Variants in DNAH11 observed in about 807,000 individuals in gnomAD.
DNAH11 encodes dynein axonemal heavy chain 11.
A neutral mutation model predicts 526.0 loss-of-function variants in DNAH11; 442 were observed. The observed-to-expected ratio is 0.84, with a 90% CI of 0.78 to 0.91. The LOEUF (loss-of-function observed/expected upper bound fraction) is 0.91. Among genes scored for constraint, DNAH11 ranks in the 40% least tolerant of loss-of-function variants. DNAH11 has a pLI of 0.00. For missense variants in DNAH11, 6,989 were observed against 5,448.7 expected, an observed-to-expected ratio of 1.28 and a Z score of -8.90; for synonymous variants, 2,461 against 1,935.9, an observed-to-expected ratio of 1.27 and a Z score of -7.12.
chr7:21,870,553 A>T (rs1420672624), intron 73 of DNAH11, among the ~76,000 whole-genome samples: 1 of 152,210 alleles, frequency 6.6e-6, no homozygotes, highest in Non-Finnish European at 1.5e-5. Flanking sequence ...TGTCTCAGAA[A>T]GGAAAGAGCT....
chr7:21,606,836 A>G (rs1258234382), intron 20 of DNAH11, 103 bp downstream of exon 20: 2 of 1,026,848 alleles, frequency 1.9e-6, no homozygotes, highest in Middle Eastern at 2.0e-4. Context: ...TTTTGCTGTT[A>G]TAGGAATTGA....
chr7:21,690,995 A>G (rs1783593113), intron 35 of DNAH11, 114 bp downstream of exon 35: 4 of 745,886 alleles, frequency 5.4e-6, no homozygotes, highest in Middle Eastern at 4.6e-4. Context: ...AAAATCCTAT[A>G]TGATTTCCTT....
intron 25 of DNAH11, among the ~76,000 whole-genome samples, chr7:21,629,001 T>G (rs925579645): frequency 1.1e-4 from 16 of 152,120 alleles, no homozygotes; most frequent in Admixed American, 3.3e-4. Flanking sequence ...GTTAGGTTGT[T>G]GATTTGAAGG....
intron 45 of DNAH11, among the ~76,000 whole-genome samples, chr7:21,732,948 C>A (rs1785442624): frequency 6.6e-6 from 1 of 152,208 alleles, no homozygotes; most frequent in Admixed American, 6.5e-5. Flanking sequence ...GTAACCCAGT[C>A]TCAGGCCTGG....
At chr7:21,810,202 G>A (rs1439188371) in intron 63 of DNAH11, among the ~76,000 whole-genome samples, 1 of 152,168 alleles carries the variant, frequency 6.6e-6, no homozygotes, top group Non-Finnish European at 1.5e-5. Context: ...AGATTTGCAC[G>A]ATGTAAAATC....
At chr7:21,659,578 G>A (rs1293721020) in intron 30 of DNAH11, among the ~76,000 whole-genome samples, 1 of 151,862 alleles carries the variant, frequency 6.6e-6, no homozygotes, top group Non-Finnish European at 1.5e-5. Flanking sequence ...GTCTTTCTTT[G>A]GTCTTATAGA....
intron 63 of DNAH11, among the ~76,000 whole-genome samples, chr7:21,810,400 A>T (rs534863242): frequency 3.9e-5 from 6 of 152,356 alleles, no homozygotes; most frequent in East Asian, 1.9e-4. Context: ...GAGTATGGAG[A>T]CAAAGATGGA....
At chr7:21,700,596 A>G (rs985424683) in intron 36 of DNAH11, among the ~76,000 whole-genome samples, 3 of 152,150 alleles carry the variant, frequency 2.0e-5, no homozygotes, top group South Asian at 4.2e-4. Context: ...TGACCCAGCA[A>G]TCCCCTTTCT....
chr7:21,725,602 G>A (rs1785066196), intron 44 of DNAH11, among the ~76,000 whole-genome samples: 1 of 152,130 alleles, frequency 6.6e-6, no homozygotes, highest in Non-Finnish European at 1.5e-5. Flanking sequence ...ATAATACGTT[G>A]TCATTAGATT....
In DNAH11 at chr7:21,676,132, A is replaced by C. The variant is rs181003222; in HGVS notation, c.5329-5414A>C. 6.6e-4 allele frequency among the ~76,000 whole-genome samples: 100 copies of C among 152,340 alleles called. 1 individual carries two copies. In the East Asian group the frequency reaches 0.012, roughly 19 times the overall value. On this transcript the variant is annotated intron_variant, in intron 30 of 81. Coordinates refer to ENST00000409508, the MANE Select transcript of DNAH11 (RefSeq NM_001277115.2). ...ATGGAAGACTTTGTGCTCCAGGAAC[A>C]AAAGTTTGGATTTTACTCTAAGTTG...
chr7:21,654,048 C>T lies in DNAH11; in HGVS notation c.4945-1784C>T, dbSNP rs575766526. Among the ~76,000 whole-genome samples the T allele has an allele frequency of 5.9e-5, 9 of 152,264 alleles. No homozygotes were observed. In the East Asian group the frequency reaches 1.2e-3, roughly 20 times the overall value. On this transcript the variant is annotated intron_variant, in intron 28 of 81. Transcript: ENST00000409508. ...CTTGGAAATGTTTTGTATTGCTTCA[C>T]CCTATCTTCTGGTTATCAGCAGCTC...
intron 25 of DNAH11, among the ~76,000 whole-genome samples, chr7:21,627,183 G>C (rs1786380397): frequency 6.6e-6 from 1 of 152,158 alleles, no homozygotes; most frequent in Non-Finnish European, 1.5e-5. Context: ...TCCCTTATCA[G>C]ATGAGTAGTT....
rs1785970257 is a variant in DNAH11, at chr7:21,620,053, T to C, written c.4475T>C (p.Leu1492Pro). The change falls in exon 25 of 82, where the codon CTT becomes CCT. Residue 1492 changes from leucine to proline, a missense_variant. Coordinates refer to ENST00000409508, the MANE Select transcript of DNAH11 (RefSeq NM_001277115.2). Reference protein sequence around the residue: ...GIPLLKSDEQLFETLEHNQVQ... With the variant: ...GIPLLKSDEQPFETLEHNQVQ... ...CCATTACTAAAGTCTGATGAACAAC[T>C]TTTTGAAACTCTAGAGCACAACCAA... 2 of 1,600,680 alleles carry C rather than the reference T, an allele frequency of 1.2e-6. No homozygotes were observed. Among genetic ancestry groups the C allele is most frequent in the East Asian group, 4.5e-5 (2 of 44,448 alleles).
At chr7:21,767,912 G>A (rs1367801120) in intron 55 of DNAH11, among the ~76,000 whole-genome samples, 1 of 152,096 alleles carries the variant, frequency 6.6e-6, no homozygotes, top group Non-Finnish European at 1.5e-5. Flanking sequence ...AGTGTAAGGT[G>A]CTTACACAAG....
intron 63 of DNAH11, among the ~76,000 whole-genome samples, chr7:21,814,933 C>T (rs10950878): frequency 0.4 from 61,438 of 151,912 alleles, 13,267 homozygotes; most frequent in East Asian, 0.82. Flanking sequence ...ACAATACTAT[C>T]GAAACATCCT....
At chr7:21,825,599 C>T (rs992041005) in intron 65 of DNAH11, among the ~76,000 whole-genome samples, 2 of 150,872 alleles carry the variant, frequency 1.3e-5, no homozygotes, top group African/African-American at 2.4e-5. Flanking sequence ...CTTCCTATGA[C>T]GAACTATTCC....
At chr7:21,593,918 C>G (rs530077709) in intron 14 of DNAH11, among the ~76,000 whole-genome samples, 45 of 151,902 alleles carry the variant, frequency 3.0e-4, no homozygotes, top group African/African-American at 6.3e-4. Flanking sequence ...CTCTCTCTCT[C>G]TAACACACAC....
At position 21,671,408 on chromosome 7, in the gene DNAH11, G is replaced by A. The variant is rs1233800850; in HGVS notation, c.5329-10138G>A. On this transcript the variant is annotated intron_variant, in intron 30 of 81. Transcript: ENST00000409508. ...CTATCTGTTCCTTTTCAGGAAAAGG[G>A]CCACACTTGGCCTATGCTTTTCAAT... 3.3e-5 allele frequency among the ~76,000 whole-genome samples: 5 copies of A among 152,262 alleles called. No individual in the cohort carries two copies. The East Asian group carries it at 9.6e-4, about 29-fold the overall frequency.
chr7:21,656,998 C>T (rs746488471), intron 29 of DNAH11, among the ~76,000 whole-genome samples: 17 of 152,144 alleles, frequency 1.1e-4, no homozygotes, highest in Non-Finnish European at 2.1e-4. Flanking sequence ...GCATGATGCC[C>T]GGAGGGGGAT....
Sources: allele counts gnomAD v4.1 joint callset (sites outside exome capture counted in the v4.1 genomes callset), GRCh38; gene constraint gnomAD v4.1.1; transcripts MANE v1.5; gene names NCBI Gene and HGNC (gene_info 2026-07-23, HGNC 2026-07-21).